The following OR51B5 variants were observed in gnomAD, a reference collection of about 807,000 sequenced individuals.
OR51B5 encodes olfactory receptor 51B5.
For missense variants in OR51B5, 456 were observed against 374.6 expected, an observed-to-expected ratio of 1.22 and a Z score of -1.79; for synonymous variants, 186 against 144.8, an observed-to-expected ratio of 1.28 and a Z score of -2.04.
chr11:5,378,664 C>G (rs891919668), intron 1 of OR51B5, among the ~76,000 whole-genome samples: 4 of 152,314 alleles, frequency 2.6e-5, no homozygotes, highest in East Asian at 3.9e-4. Context: ...TATGAACAGA[C>G]ACTTCTCAAA....
At chr11:5,401,916 TCTC>T (rs1483206409) in intron 1 of OR51B5, among the ~76,000 whole-genome samples, 4 of 151,224 alleles carry the variant, frequency 2.6e-5, no homozygotes, top group African/African-American at 4.9e-5. Flanking sequence ...TTTCTCTCTC[TCTC>T]TTCTTTCCTT....
At chr11:5,373,416 A>C (rs1849473338) in intron 1 of OR51B5, among the ~76,000 whole-genome samples, 1 of 152,168 alleles carries the variant, frequency 6.6e-6, no homozygotes, top group Non-Finnish European at 1.5e-5. Context: ...AAGACGGGTG[A>C]TTTCTGCATT....
At chr11:5,410,741 T>C (rs1259222974) in intron 1 of OR51B5, among the ~76,000 whole-genome samples, 1 of 152,198 alleles carries the variant, frequency 6.6e-6, no homozygotes, top group Non-Finnish European at 1.5e-5. Context: ...AGTGGAACAA[T>C]GTGTGGAAGT....
chr11:5,476,058 T>C (rs958085498), intron 1 of OR51B5, among the ~76,000 whole-genome samples: 2 of 152,216 alleles, frequency 1.3e-5, no homozygotes, highest in Admixed American at 1.3e-4. Context: ...ATTTACTCAC[T>C]TTTCTACCTT....
chr11:5,420,252 TAAGA>T (rs1471246972), intron 1 of OR51B5, among the ~76,000 whole-genome samples: 3 of 152,040 alleles, frequency 2.0e-5, no homozygotes, highest in African/African-American at 2.4e-5. Flanking sequence ...AAATTACACT[TAAGA>T]AAGTATGAAT....
intron 1 of OR51B5, chr11:5,441,349 C>T (rs1850686986): frequency 3.1e-6 from 5 of 1,613,952 alleles, no homozygotes; most frequent in Non-Finnish European, 4.2e-6. Flanking sequence ...TGATGCAGAG[C>T]AGGCTCCCAA....
intron 1 of OR51B5, among the ~76,000 whole-genome samples, chr11:5,478,915 G>C (rs1183520556): frequency 6.0e-5 from 9 of 150,932 alleles, no homozygotes; most frequent in African/African-American, 1.9e-4. Context: ...GAGGAGAATG[G>C]AACCAAGTTG....
chr11:5,435,390 C>A (rs932274266), intron 1 of OR51B5, among the ~76,000 whole-genome samples: 2 of 152,094 alleles, frequency 1.3e-5, no homozygotes, highest in African/African-American at 4.8e-5. Flanking sequence ...ATGTTATTTT[C>A]TTGCAGAACA....
At chr11:5,462,549 G>T (rs1851072968) in intron 1 of OR51B5, among the ~76,000 whole-genome samples, 1 of 152,168 alleles carries the variant, frequency 6.6e-6, no homozygotes, top group South Asian at 2.1e-4. Flanking sequence ...TTATAGTTCA[G>T]TTGGATGAGA....
chr11:5,347,737 C>A (rs1383122889), upstream of OR51B5, among the ~76,000 whole-genome samples: 3 of 149,750 alleles, frequency 2.0e-5, no homozygotes, highest in South Asian at 2.1e-4. Context: ...GCTGAGGGCA[C>A]AAATAATAGA....
At chr11:5,469,920 T>C (rs1424278033) in intron 1 of OR51B5, among the ~76,000 whole-genome samples, 1 of 152,186 alleles carries the variant, frequency 6.6e-6, no homozygotes, top group Non-Finnish European at 1.5e-5. Flanking sequence ...CTCTTGCCTA[T>C]ACTCAAGCAT....
chr11:5,381,969 C>T (rs1336180638), intron 1 of OR51B5, among the ~76,000 whole-genome samples: 2 of 152,212 alleles, frequency 1.3e-5, no homozygotes, highest in Non-Finnish European at 2.9e-5. Context: ...AATTACATAT[C>T]TGCATCCAGC....
At chr11:5,353,557 G>C (rs572407497) in intron 1 of OR51B5, among the ~76,000 whole-genome samples, 1 of 152,230 alleles carries the variant, frequency 6.6e-6, no homozygotes, top group Non-Finnish European at 1.5e-5. Flanking sequence ...AAATACTTTT[G>C]ATTCTTTTCA....
chr11:5,412,993 A>T (rs776175478), intron 1 of OR51B5, among the ~76,000 whole-genome samples: 5 of 151,628 alleles, frequency 3.3e-5, no homozygotes, highest in Non-Finnish European at 7.4e-5. Flanking sequence ...TGCCTCCTCA[A>T]GTGGATCCCT....
chr11:5,501,063 T>C (rs1375162330), intron 1 of OR51B5, among the ~76,000 whole-genome samples: 1 of 147,660 alleles, frequency 6.8e-6, no homozygotes, highest in African/African-American at 2.4e-5. Context: ...CAGCCCTGAG[T>C]TTGGGGAAAT....
chr11:5,405,182 A>C (rs1850040652), intron 1 of OR51B5, among the ~76,000 whole-genome samples: 1 of 152,208 alleles, frequency 6.6e-6, no homozygotes, highest in African/African-American at 2.4e-5. Context: ...ATATATACTA[A>C]GAACTTTATT....
chr11:5,485,151 G>A (rs887952855), intron 1 of OR51B5, among the ~76,000 whole-genome samples: 2 of 152,094 alleles, frequency 1.3e-5, no homozygotes. Flanking sequence ...GTAGATCTCT[G>A]CTGTTCTCCC....
chr11:5,357,789 G>A (rs1196642022), intron 1 of OR51B5, among the ~76,000 whole-genome samples: 2 of 150,372 alleles, frequency 1.3e-5, no homozygotes, highest in East Asian at 1.9e-4. Flanking sequence ...ATAACAAACT[G>A]TCTCTCAGAC....
At chr11:5,348,318 G>A (rs920098878), upstream of OR51B5, among the ~76,000 whole-genome samples, 6 of 151,982 alleles carry the variant, frequency 3.9e-5, no homozygotes, top group Admixed American at 1.3e-4. Context: ...CTCTCCACCT[G>A]ACTGATTCTT....
Sources: allele counts gnomAD v4.1 joint callset (sites outside exome capture counted in the v4.1 genomes callset), GRCh38; gene constraint gnomAD v4.1.1; transcripts MANE v1.5; gene names NCBI Gene and HGNC (gene_info 2026-07-23, HGNC 2026-07-21).